Variants in SUFU observed in about 807,000 individuals in gnomAD.
SUFU encodes the protein SUFU negative regulator of hedgehog signaling.
SUFU carries 7 observed loss-of-function variants against 58.9 expected under a neutral mutation model. The observed-to-expected ratio is 0.12, with a 90% confidence interval of 0.07 to 0.22. SUFU has a LOEUF of 0.22. Ranked by LOEUF, SUFU falls within the 10% of genes least tolerant of loss-of-function variation. SUFU has a pLI of 1.00. For missense variants in SUFU, 451 were observed against 641.3 expected, an observed-to-expected ratio of 0.70 and a Z score of 3.20; for synonymous variants, 232 against 254.8, an observed-to-expected ratio of 0.91 and a Z score of 0.85.
At chr10:102,504,593 AG>A (rs1213361880) in intron 1 of SUFU, among the ~76,000 whole-genome samples, 4 of 130,810 alleles carry the variant, frequency 3.1e-5, no homozygotes, top group Non-Finnish European at 6.4e-5. Context: ...GTAGGAGCAG[AG>A]GGGGGAACGG....
chr10:102,575,741 G>A (rs1259567965), intron 3 of SUFU, among the ~76,000 whole-genome samples: 1 of 152,190 alleles, frequency 6.6e-6, no homozygotes, highest in East Asian at 1.9e-4. Flanking sequence ...TTGGAGTGAT[G>A]CCACAGTAGC....
At chr10:102,539,803 A>G (rs1318487591) in intron 2 of SUFU, among the ~76,000 whole-genome samples, 1 of 152,216 alleles carries the variant, frequency 6.6e-6, no homozygotes, top group Non-Finnish European at 1.5e-5. Context: ...TATATTATCT[A>G]TACACATAAT....
At chr10:102,543,604 G>A (rs552058350) in intron 2 of SUFU, among the ~76,000 whole-genome samples, 1 of 152,190 alleles carries the variant, frequency 6.6e-6, no homozygotes, top group East Asian at 1.9e-4. Flanking sequence ...CACTACCCCA[G>A]TCCTAGGCAA....
At chr10:102,535,703 C>T (rs1168589343) in intron 2 of SUFU, among the ~76,000 whole-genome samples, 1 of 152,080 alleles carries the variant, frequency 6.6e-6, no homozygotes, top group Non-Finnish European at 1.5e-5. Flanking sequence ...TTTGCAGGGT[C>T]AGTAGCCACC....
At chr10:102,562,143 A>G (rs2063044090) in intron 3 of SUFU, among the ~76,000 whole-genome samples, 1 of 152,190 alleles carries the variant, frequency 6.6e-6, no homozygotes. Context: ...AATGCATTGT[A>G]GAGTTTTCTT....
At chr10:102,621,612 A>T (rs1173335845) in intron 10 of SUFU, among the ~76,000 whole-genome samples, 2 of 152,194 alleles carry the variant, frequency 1.3e-5, no homozygotes, top group Non-Finnish European at 2.9e-5. Flanking sequence ...GGATGCAGAC[A>T]GGACTGCTTC....
chr10:102,517,366 A>T (rs7070591), intron 2 of SUFU, among the ~76,000 whole-genome samples: 6 of 152,058 alleles, frequency 3.9e-5, no homozygotes, highest in African/African-American at 1.2e-4. Flanking sequence ...ACCAGGCCAG[A>T]GTGGTGCCAG....
At chr10:102,587,223 G>T (rs1380922979) in intron 3 of SUFU, among the ~76,000 whole-genome samples, 2 of 152,156 alleles carry the variant, frequency 1.3e-5, no homozygotes, top group Non-Finnish European at 2.9e-5. Flanking sequence ...ATACCCAGAT[G>T]TGAGCTTGCT....
At chr10:102,561,508 T>A (rs927683647) in intron 3 of SUFU, among the ~76,000 whole-genome samples, 1 of 152,132 alleles carries the variant, frequency 6.6e-6, no homozygotes, top group East Asian at 1.9e-4. Flanking sequence ...TAGCTGGGAT[T>A]ACAGATGTGA....
At chr10:102,507,537 C>T (rs1378150728) in intron 1 of SUFU, among the ~76,000 whole-genome samples, 1 of 152,164 alleles carries the variant, frequency 6.6e-6, no homozygotes, top group African/African-American at 2.4e-5. Flanking sequence ...GAGAGTTGTC[C>T]CTCTTCCTCT....
chr10:102,566,234 A>C (rs929145112), intron 3 of SUFU, among the ~76,000 whole-genome samples: 2 of 152,226 alleles, frequency 1.3e-5, no homozygotes, highest in Admixed American at 6.5e-5. Context: ...CATCTCTAAC[A>C]GTTGGTTACT....
intron 8 of SUFU, among the ~76,000 whole-genome samples, chr10:102,604,860 A>G (rs1406837072): frequency 1.3e-5 from 2 of 148,890 alleles, no homozygotes; most frequent in East Asian, 2.0e-4. Context: ...ACTCTGTCCC[A>G]CCATTTCATG....
chr10:102,529,197 A>C (rs1399100039), intron 2 of SUFU, among the ~76,000 whole-genome samples: 4 of 152,206 alleles, frequency 2.6e-5, no homozygotes, highest in African/African-American at 7.2e-5. Flanking sequence ...GTAATTTTGA[A>C]TTATAAATAA....
At chr10:102,518,796 G>A (rs954713171) in intron 2 of SUFU, among the ~76,000 whole-genome samples, 12 of 151,790 alleles carry the variant, frequency 7.9e-5, no homozygotes, top group African/African-American at 2.9e-4. Context: ...ATCCCAAAGT[G>A]CTGGGATTAT....
intron 2 of SUFU, among the ~76,000 whole-genome samples, chr10:102,535,370 C>T (rs537567664): frequency 6.6e-6 from 1 of 152,004 alleles, no homozygotes; most frequent in Admixed American, 6.6e-5. Context: ...CCTGTAGTCC[C>T]AGCTACTCAG....
At chr10:102,516,304 C>A (rs528716310) in intron 2 of SUFU, among the ~76,000 whole-genome samples, 1 of 151,686 alleles carries the variant, frequency 6.6e-6, no homozygotes, top group South Asian at 2.1e-4. Context: ...AGACTCCTGA[C>A]CTCAAGTGAT....
At chr10:102,568,622 C>T (rs568853397) in intron 3 of SUFU, among the ~76,000 whole-genome samples, 1 of 151,806 alleles carries the variant, frequency 6.6e-6, no homozygotes, top group South Asian at 2.1e-4. Context: ...GCCTGTAATC[C>T]CAGCACTTTG....
intron 10 of SUFU, chr10:102,618,929 AGCGT>A (rs1554854929): frequency 4.8e-6 from 3 of 619,768 alleles, no homozygotes; most frequent in Middle Eastern, 4.5e-4. Context: ...GTCCTCAGGT[AGCGT>A]GTGTGTGTGT....
chr10:102,585,136 T>A (rs1411479702), intron 3 of SUFU, among the ~76,000 whole-genome samples: 1 of 152,228 alleles, frequency 6.6e-6, no homozygotes, highest in African/African-American at 2.4e-5. Flanking sequence ...TTTTCTTTTT[T>A]AATAACAGAT....
Sources: allele counts gnomAD v4.1 joint callset (sites outside exome capture counted in the v4.1 genomes callset), GRCh38; gene constraint gnomAD v4.1.1; transcripts MANE v1.5; gene names NCBI Gene and HGNC (gene_info 2026-07-23, HGNC 2026-07-21).